Variants in KIAA1217 observed in about 807,000 individuals in gnomAD.
The protein encoded by KIAA1217 is sickle tail protein homolog.
KIAA1217 carries 88 observed loss-of-function variants against 163.9 expected under a neutral mutation model. The observed-to-expected ratio is 0.54, with a 90% CI of 0.45 to 0.64. The LOEUF is 0.64. Ranked by LOEUF, KIAA1217 falls within the 30% of genes least tolerant of loss-of-function variation. The probability of loss-of-function intolerance (pLI) is 0.00; values close to 1 mark genes in which losing one functional copy is unlikely to be tolerated. For missense variants in KIAA1217, 2,372 were observed against 2,475.0 expected, an observed-to-expected ratio of 0.96 and a Z score of 0.88; for synonymous variants, 903 against 923.1, an observed-to-expected ratio of 0.98 and a Z score of 0.39.
At chr10:24,486,764 G>T (rs1268597609) in intron 6 of KIAA1217, among the ~76,000 whole-genome samples, 2 of 152,140 alleles carry the variant, frequency 1.3e-5, no homozygotes, top group Admixed American at 6.5e-5. Flanking sequence ...TAAAATTTCA[G>T]CTCTTCTTTC....
intron 1 of KIAA1217, among the ~76,000 whole-genome samples, chr10:23,780,816 G>A (rs920497943): frequency 1.6e-4 from 24 of 152,106 alleles, no homozygotes; most frequent in African/African-American, 4.8e-4. Flanking sequence ...GAGTAGCTGG[G>A]ATTACAGGTG....
intron 2 of KIAA1217, among the ~76,000 whole-genome samples, chr10:24,149,697 A>G (rs2064511836): frequency 6.6e-6 from 1 of 152,218 alleles, no homozygotes; most frequent in Non-Finnish European, 1.5e-5. Context: ...TCAATAGTAC[A>G]GAAGAGAAGT....
chr10:24,541,520 G>C (rs931367777), intron 17 of KIAA1217, among the ~76,000 whole-genome samples: 1 of 152,182 alleles, frequency 6.6e-6, no homozygotes, highest in Non-Finnish European at 1.5e-5. Context: ...GGGCCCGGGT[G>C]TTTGTGCTTT....
chr10:23,970,157 A>AT (rs937945849), intron 1 of KIAA1217, among the ~76,000 whole-genome samples: 1 of 151,984 alleles, frequency 6.6e-6, no homozygotes, highest in Non-Finnish European at 1.5e-5. Flanking sequence ...CAATTAATTG[A>AT]TTTTTTTCTT....
intron 1 of KIAA1217, among the ~76,000 whole-genome samples, chr10:23,843,559 T>C (rs1386040490): frequency 1.3e-5 from 2 of 152,126 alleles, no homozygotes; most frequent in Non-Finnish European, 2.9e-5. Context: ...CCTGTTCCAT[T>C]GGTCCCTCCA....
At chr10:24,018,861 A>G (rs1847608414) in intron 2 of KIAA1217, among the ~76,000 whole-genome samples, 1 of 152,146 alleles carries the variant, frequency 6.6e-6, no homozygotes, top group South Asian at 2.1e-4. Flanking sequence ...GTATATATAC[A>G]CTATTCTGCC....
At chr10:24,381,796 T>G (rs2053341365) in intron 3 of KIAA1217, among the ~76,000 whole-genome samples, 1 of 152,152 alleles carries the variant, frequency 6.6e-6, no homozygotes, top group Non-Finnish European at 1.5e-5. Flanking sequence ...TACCCAGTGG[T>G]GTGGGTTTCC....
In KIAA1217 at chr10:24,381,016, G is replaced by C; in HGVS notation, c.502G>C (p.Ala168Pro). The change falls in exon 3 of 21, where the codon GCG becomes CCG. Residue 168 changes from alanine to proline, a missense_variant. Transcript: ENST00000376454. ...TTTTTCCAGAGGCAGCCGGACTCGT[G>C]CGAGCCTTCCTGTGGTGAGGTCAAC... is the stretch of plus-strand genomic sequence containing the variant. ...TPFSRGSRTR[A>P]SLPVVRSTNQ... The C allele has an allele frequency of 6.2e-7, 1 of 1,607,534 alleles. No individual in the cohort carries two copies. Among genetic ancestry groups the C allele is most frequent in the African/African-American group, 1.3e-5 (1 of 74,826 alleles).
chr10:24,163,117 C>A (rs2065193260), intron 2 of KIAA1217, among the ~76,000 whole-genome samples: 1 of 152,228 alleles, frequency 6.6e-6, no homozygotes, highest in Admixed American at 6.5e-5. Flanking sequence ...CTCTTGGAGG[C>A]TGCCTACCAC....
intron 2 of KIAA1217, among the ~76,000 whole-genome samples, chr10:24,171,891 A>G (rs2065647166): frequency 6.6e-6 from 1 of 152,232 alleles, no homozygotes. Context: ...GCTAGAAGTT[A>G]TTGAAACCTT....
At chr10:24,406,109 T>C (rs939080887) in intron 3 of KIAA1217, among the ~76,000 whole-genome samples, 2 of 152,162 alleles carry the variant, frequency 1.3e-5, no homozygotes, top group East Asian at 1.9e-4. Flanking sequence ...CAAACAGTCA[T>C]TGTGAAGCCA....
At chr10:23,700,234 C>T in intron 1 of KIAA1217, among the ~76,000 whole-genome samples, 1 of 152,140 alleles carries the variant, frequency 6.6e-6, no homozygotes, top group Non-Finnish European at 1.5e-5. Flanking sequence ...AGAAAGCATT[C>T]AACCCATTAA....
intron 2 of KIAA1217, among the ~76,000 whole-genome samples, chr10:24,243,185 G>C (rs1287332862): frequency 6.6e-6 from 1 of 152,102 alleles, no homozygotes; most frequent in Non-Finnish European, 1.5e-5. Context: ...CAATTTTAGG[G>C]TAGAAAAGAG....
intron 2 of KIAA1217, 52 bp downstream of exon 2, chr10:24,219,961 C>A (rs189959606): frequency 6.7e-7 from 1 of 1,497,360 alleles, no homozygotes. Context: ...TAATGAACAT[C>A]GAGGAAAGCA....
At chr10:24,279,270 G>T (rs1419631511) in intron 2 of KIAA1217, among the ~76,000 whole-genome samples, 1 of 112,100 alleles carries the variant, frequency 8.9e-6, no homozygotes. Flanking sequence ...TGGTGTTTTT[G>T]TTTGTTTGTT....
chr10:24,515,951 G>A (rs1314172887), intron 10 of KIAA1217, among the ~76,000 whole-genome samples: 1 of 152,198 alleles, frequency 6.6e-6, no homozygotes, highest in African/African-American at 2.4e-5. Context: ...TGCCTCTGTA[G>A]TCTCAGCTAC....
chr10:23,925,718 C>G (rs893898610), intron 1 of KIAA1217, among the ~76,000 whole-genome samples: 2 of 152,174 alleles, frequency 1.3e-5, no homozygotes, highest in African/African-American at 4.8e-5. Flanking sequence ...GGAACACGCC[C>G]TAAGTGACTG....
At chr10:23,863,459 A>T (rs1444922678) in intron 1 of KIAA1217, among the ~76,000 whole-genome samples, 2 of 152,248 alleles carry the variant, frequency 1.3e-5, no homozygotes, top group African/African-American at 4.8e-5. Context: ...GCTTCACAAC[A>T]TTTAGGCTGG....
chr10:24,377,370 C>T (rs975275626), intron 2 of KIAA1217, among the ~76,000 whole-genome samples: 2 of 152,106 alleles, frequency 1.3e-5, no homozygotes, highest in Non-Finnish European at 2.9e-5. Flanking sequence ...GAGAATATTC[C>T]CACCATCCCC....
Sources: gnomAD v4.1 joint callset for allele counts (sites outside exome capture counted in the v4.1 genomes callset) on GRCh38, gnomAD v4.1.1 for gene constraint, MANE v1.5 for transcripts, NCBI Gene and HGNC (gene_info 2026-07-23, HGNC 2026-07-21) for gene names.